Variants in RTL4 observed in about 807,000 individuals in gnomAD.
RTL4 encodes the protein retrotransposon Gag-like protein 4.
A neutral mutation model predicts 5.3 loss-of-function variants in RTL4; 4 were observed. The observed-to-expected ratio is 0.75, with a 90% CI of 0.37 to 1.72. The LOEUF (loss-of-function observed/expected upper bound fraction) is 1.72. Ranked by LOEUF, RTL4 falls within the 40% of genes most tolerant of loss-of-function variation. RTL4 has a pLI of 0.04. For missense variants in RTL4, 260 were observed against 227.1 expected, an observed-to-expected ratio of 1.14 and a Z score of -0.93; for synonymous variants, 98 against 87.3, an observed-to-expected ratio of 1.12 and a Z score of -0.68.
At chrX:112,122,061 C>T in the RTL4 span, among the ~76,000 whole-genome samples, 1 of 111,456 alleles carries the variant, frequency 9.0e-6, no homozygotes, top group African/African-American at 3.3e-5. Context: ...AGGGATGCCA[C>T]TAACTCCACT....
the RTL4 span, among the ~76,000 whole-genome samples, chrX:112,404,024 C>T: frequency 9.0e-6 from 1 of 111,476 alleles, no homozygotes; most frequent in Non-Finnish European, 1.9e-5. Flanking sequence ...GAGTGATACT[C>T]CCTTTTAGCC....
chrX:112,151,573 A>G, the RTL4 span, among the ~76,000 whole-genome samples: 1 of 112,139 alleles, frequency 8.9e-6, no homozygotes. Context: ...CTAGAAGTTT[A>G]ATGATTTCAT....
chrX:112,390,948 G>T, the RTL4 span, among the ~76,000 whole-genome samples: 1 of 111,422 alleles, frequency 9.0e-6, no homozygotes, highest in Non-Finnish European at 1.9e-5. Flanking sequence ...CCCTTTTAAG[G>T]GTGCCAATGA....
At chrX:112,289,541 G>T in the RTL4 span, among the ~76,000 whole-genome samples, 3 of 112,208 alleles carry the variant, frequency 2.7e-5, no homozygotes, top group Admixed American at 9.4e-5. Flanking sequence ...TGTTTTGTAT[G>T]ACCTTGGGCA....
chrX:112,332,687 G>C, the RTL4 span, among the ~76,000 whole-genome samples: 1 of 84,209 alleles, frequency 1.2e-5, no homozygotes, highest in African/African-American at 4.4e-5. Flanking sequence ...GTTGTGGGGT[G>C]GGGGGAGGGA....
chrX:112,270,820 G>A, the RTL4 span, among the ~76,000 whole-genome samples: 1 of 110,334 alleles, frequency 9.1e-6, no homozygotes, highest in African/African-American at 3.3e-5. Flanking sequence ...AGAGAAGTAA[G>A]TAATGTGAAA....
chrX:112,163,002 T>C, the RTL4 span, among the ~76,000 whole-genome samples: 1 of 111,823 alleles, frequency 8.9e-6, no homozygotes, highest in Non-Finnish European at 1.9e-5. Flanking sequence ...TGGCACACAG[T>C]GTTCAGTTCT....
the RTL4 span, among the ~76,000 whole-genome samples, chrX:112,286,155 A>G: frequency 8.9e-6 from 1 of 112,245 alleles, no homozygotes; most frequent in Admixed American, 9.5e-5. Context: ...TAAGAAAAAA[A>G]CTGAACAAAA....
chrX:112,404,583 T>C, the RTL4 span, among the ~76,000 whole-genome samples: 5 of 112,574 alleles, frequency 4.4e-5, no homozygotes, highest in Non-Finnish European at 9.4e-5. Flanking sequence ...TGAAGTTTTA[T>C]AGTAAAAAAG....
the RTL4 span, among the ~76,000 whole-genome samples, chrX:112,214,326 G>A: frequency 8.9e-6 from 1 of 111,913 alleles, no homozygotes; most frequent in African/African-American, 3.2e-5. Context: ...CATCTGCATT[G>A]TCACAAATGG....
At chrX:112,211,617 G>C in the RTL4 span, among the ~76,000 whole-genome samples, 3 of 112,036 alleles carry the variant, frequency 2.7e-5, no homozygotes, top group Non-Finnish European at 5.6e-5. Context: ...CCAGGGTGTT[G>C]GCGAAAATTT....
the RTL4 span, among the ~76,000 whole-genome samples, chrX:112,203,884 C>A: frequency 8.9e-6 from 1 of 112,348 alleles, no homozygotes; most frequent in East Asian, 2.8e-4. Context: ...TCTCCCAATC[C>A]ATAAATGTGA....
the RTL4 span, among the ~76,000 whole-genome samples, chrX:112,128,470 C>T: frequency 1.1e-4 from 12 of 110,171 alleles, no homozygotes; most frequent in African/African-American, 3.0e-4. Flanking sequence ...ACCAGCCTGG[C>T]CAACATGGTG....
chrX:112,301,715 C>G, the RTL4 span, among the ~76,000 whole-genome samples: 1 of 110,607 alleles, frequency 9.0e-6, no homozygotes, highest in East Asian at 2.8e-4. Context: ...GTAACACACA[C>G]ACTTTGGGAG....
At chrX:112,308,173 G>A in the RTL4 span, among the ~76,000 whole-genome samples, 20 of 111,247 alleles carry the variant, frequency 1.8e-4, no homozygotes, top group Non-Finnish European at 1.9e-5. Flanking sequence ...TGGGGTGAGC[G>A]GGGTTAGAAA....
the RTL4 span, among the ~76,000 whole-genome samples, chrX:112,206,074 A>G: frequency 8.9e-6 from 1 of 111,912 alleles, no homozygotes. Flanking sequence ...AAGCTGGTAG[A>G]GGAAGTACAT....
chrX:112,425,001 T>A, the RTL4 span, among the ~76,000 whole-genome samples: 2 of 111,225 alleles, frequency 1.8e-5, no homozygotes, highest in Non-Finnish European at 3.8e-5. Context: ...TGTGTTTTGA[T>A]AAATGTATAA....
the RTL4 span, among the ~76,000 whole-genome samples, chrX:112,104,870 T>C: frequency 8.9e-6 from 1 of 112,032 alleles, no homozygotes; most frequent in African/African-American, 3.2e-5. Context: ...TGCTGTTTCT[T>C]TGGCTCTGCA....
chrX:112,142,381 A>G, the RTL4 span, among the ~76,000 whole-genome samples: 3 of 112,394 alleles, frequency 2.7e-5, no homozygotes, highest in Non-Finnish European at 1.9e-5. Flanking sequence ...GCCACAAAAT[A>G]TAATCCACAG....
Sources: allele counts gnomAD v4.1 joint callset (sites outside exome capture counted in the v4.1 genomes callset), GRCh38; gene constraint gnomAD v4.1.1; transcripts MANE v1.5; gene names NCBI Gene and HGNC (gene_info 2026-07-23, HGNC 2026-07-21).